The following CNTN4 variants were observed in gnomAD, a reference collection of about 807,000 sequenced individuals.
CNTN4 encodes contactin 4.
A neutral mutation model predicts 122.5 loss-of-function variants in CNTN4; 77 were observed. The observed-to-expected ratio is 0.63, with a 90% CI of 0.52 to 0.76. The LOEUF is 0.76. CNTN4 is among the 30% of genes least tolerant of loss of function. The pLI, the probability that CNTN4 is intolerant of heterozygous loss-of-function variation, is 0.00. For missense variants in CNTN4, 1,256 were observed against 1,259.1 expected (o/e 1.00, Z 0.04); for synonymous variants, 512 against 447.0 (o/e 1.15, Z -1.83).
intron 2 of CNTN4, among the ~76,000 whole-genome samples, chr3:2,191,802 C>G (rs1482553560): frequency 1.3e-5 from 2 of 151,958 alleles, no homozygotes; most frequent in Non-Finnish European, 2.9e-5. Flanking sequence ...CATATGTATG[C>G]ATGTGCCATG....
intron 6 of CNTN4, among the ~76,000 whole-genome samples, chr3:2,777,888 T>C (rs901395724): frequency 3.3e-5 from 5 of 152,146 alleles, no homozygotes; most frequent in African/African-American, 7.2e-5. Flanking sequence ...ATCCAATAGT[T>C]TTGTTTCTCA....
chr3:2,517,280 G>T (rs969445772), intron 3 of CNTN4, among the ~76,000 whole-genome samples: 2 of 152,038 alleles, frequency 1.3e-5, no homozygotes, highest in Non-Finnish European at 2.9e-5. Flanking sequence ...GTAGTTAATG[G>T]GGATATTCCA....
intron 4 of CNTN4, among the ~76,000 whole-genome samples, chr3:2,716,796 C>G (rs1329927862): frequency 6.6e-6 from 1 of 152,178 alleles, no homozygotes; most frequent in African/African-American, 2.4e-5. Flanking sequence ...TTCTTTCCCT[C>G]ATATACTGGG....
At chr3:2,314,581 G>C (rs918043906) in intron 2 of CNTN4, among the ~76,000 whole-genome samples, 1 of 151,772 alleles carries the variant, frequency 6.6e-6, no homozygotes, top group Admixed American at 6.6e-5. Flanking sequence ...AGGAATAAAT[G>C]TTAAATATAT....
At chr3:2,716,199 A>G (rs922422686) in intron 4 of CNTN4, among the ~76,000 whole-genome samples, 4 of 152,244 alleles carry the variant, frequency 2.6e-5, no homozygotes, top group East Asian at 1.9e-4. Context: ...TAATATACCA[A>G]TTAAATTCAC....
At chr3:2,124,474 C>G (rs2727909) in intron 2 of CNTN4, among the ~76,000 whole-genome samples, 1 of 107,596 alleles carries the variant, frequency 9.3e-6, no homozygotes, top group African/African-American at 3.5e-5. Flanking sequence ...ACACACACAC[C>G]CCCTTAAGCA....
intron 3 of CNTN4, 37 bp downstream of exon 3, chr3:2,339,270 A>G (rs2044086694): frequency 6.6e-6 from 1 of 152,196 alleles, no homozygotes; most frequent in Non-Finnish European, 1.5e-5. Context: ...CCTTATGTGT[A>G]GTTCACCTTG....
chr3:2,948,633 T>G (rs1052322085), intron 13 of CNTN4, among the ~76,000 whole-genome samples: 2 of 152,198 alleles, frequency 1.3e-5, no homozygotes, highest in Non-Finnish European at 2.9e-5. Context: ...TTTGTTTATT[T>G]CTGGCAGGTT....
At chr3:2,217,481 TAAAAC>T (rs938509459) in intron 2 of CNTN4, among the ~76,000 whole-genome samples, 20 of 152,202 alleles carry the variant, frequency 1.3e-4, no homozygotes, top group South Asian at 2.1e-4. Context: ...TGTTGTCAAT[TAAAAC>T]AAAACCAAAC....
At chr3:2,924,108 G>T (rs1053121284) in intron 12 of CNTN4, among the ~76,000 whole-genome samples, 2 of 151,652 alleles carry the variant, frequency 1.3e-5, no homozygotes, top group Admixed American at 6.6e-5. Context: ...CTTCGCATGA[G>T]AATACCAGCC....
At chr3:2,159,888 C>T (rs928693096) in intron 2 of CNTN4, among the ~76,000 whole-genome samples, 11 of 151,422 alleles carry the variant, frequency 7.3e-5, no homozygotes, top group Admixed American at 3.9e-4. Flanking sequence ...TTCTGTTTAA[C>T]CTTGGACCAC....
intron 3 of CNTN4, among the ~76,000 whole-genome samples, chr3:2,539,434 C>G (rs2077944359): frequency 1.3e-5 from 2 of 152,006 alleles, no homozygotes; most frequent in South Asian, 4.1e-4. Context: ...GTTTTGGAAA[C>G]AAATAAGATT....
Position 2,224,785 on chromosome 3 carries a change from C to T in CNTN4, c.-144-114393C>T, listed in dbSNP as rs930299033. Among the ~76,000 whole-genome samples the T allele has an allele frequency of 3.3e-5, 5 of 152,048 alleles. No individual in the cohort carries two copies. In the South Asian group the frequency reaches 6.2e-4, roughly 19 times the overall value. On this transcript the variant is annotated intron_variant, in intron 2 of 24. Transcript: ENST00000418658. The stretch of plus-strand genomic sequence containing the variant: ...GGGTATCAGTTGGCTCTGGGATTCC[C>T]GAGTTAATCAGGTTGACTCAATCTG...
chr3:2,769,508 C>G (rs1444879573), intron 6 of CNTN4, among the ~76,000 whole-genome samples: 1 of 150,748 alleles, frequency 6.6e-6, no homozygotes, highest in Non-Finnish European at 1.5e-5. Flanking sequence ...AGTGTTTAGT[C>G]AATTAAAGGA....
chr3:2,156,550 C>G (rs2035729368), intron 2 of CNTN4, among the ~76,000 whole-genome samples: 1 of 152,036 alleles, frequency 6.6e-6, no homozygotes, highest in South Asian at 2.1e-4. Flanking sequence ...AGAGATAAAT[C>G]GGAAAAATAA....
intron 6 of CNTN4, among the ~76,000 whole-genome samples, chr3:2,808,619 G>A (rs1210124647): frequency 6.6e-6 from 1 of 152,160 alleles, no homozygotes; most frequent in Non-Finnish European, 1.5e-5. Context: ...TTTGCAAGGA[G>A]TTGTTTCATG....
chr3:2,251,281 T>C (rs1489599066), intron 2 of CNTN4, among the ~76,000 whole-genome samples: 1 of 151,942 alleles, frequency 6.6e-6, no homozygotes, highest in Non-Finnish European at 1.5e-5. Flanking sequence ...TGAAATCCAC[T>C]GATGTTATAT....
In CNTN4 at chr3:2,203,601, A is replaced by G. The variant is rs537286669; in HGVS notation, c.-145+102962A>G. ...ATTTTCTCTAAGTTAATTAGAGAAA[A>G]TGTACCTGCTCCAGTACGTTCCTGA... On this transcript the variant is annotated intron_variant, in intron 2 of 24. Coordinates refer to ENST00000418658, the MANE Select transcript of CNTN4 (RefSeq NM_175607.3). Among the ~76,000 whole-genome samples the G allele has an allele frequency of 2.6e-5, 4 of 152,272 alleles. No individual in the cohort carries two copies. In the South Asian group the frequency reaches 8.3e-4, roughly 32 times the overall value.
intron 2 of CNTN4, among the ~76,000 whole-genome samples, chr3:2,281,454 T>C (rs2041710558): frequency 6.6e-6 from 1 of 152,084 alleles, no homozygotes; most frequent in South Asian, 2.1e-4. Flanking sequence ...TGTAATGCCC[T>C]TGAAGTGTTT....
Sources: allele counts gnomAD v4.1 joint callset (sites outside exome capture counted in the v4.1 genomes callset), GRCh38; gene constraint gnomAD v4.1.1; transcripts MANE v1.5; gene names NCBI Gene and HGNC (gene_info 2026-07-23, HGNC 2026-07-21).